The following OR10Z1 variants were observed in gnomAD, a reference collection of about 807,000 sequenced individuals.
OR10Z1 encodes the protein olfactory receptor 10Z1.
For missense variants in OR10Z1, 468 were observed against 371.0 expected (o/e 1.26, Z -2.15); for synonymous variants, 187 against 151.2 (o/e 1.24, Z -1.74).
In OR10Z1 at chr1:158,609,858, T is replaced by C. The variant is rs890470793; in HGVS notation, c.*2478T>C. 1 of 152,134 alleles carries C rather than the reference T, an allele frequency of 6.6e-6. No individual in the cohort carries two copies. The highest frequency in any genetic ancestry group is 2.4e-5 in the African/African-American group (1 of 41,444). 9.4% of individuals were successfully genotyped at this position (152,134 alleles called of 1,614,324 possible). A position where few individuals can be genotyped will look rare whatever the true frequency, so the allele number is the denominator to read the frequency against. The stretch of plus-strand genomic sequence containing the variant: ...TTTGGCAGGGTTAGCATTGGGGGAA[T>C]GGAATCACATCCACCTTTGCTTGTG... On this transcript the variant is annotated 3_prime_UTR_variant, in exon 2 of 2. Coordinates refer to ENST00000641002, the MANE Select transcript of OR10Z1 (RefSeq NM_001004478.2).
At position 158,611,336 on chromosome 1, in the gene OR10Z1, C is replaced by T. The variant is rs376052117; in HGVS notation, c.*3956C>T. ...AGAGATGGCTTCGACCCCGTGGGTC[C>T]ATATATTGCTGCATATGTGTGGCAC... On this transcript the variant is annotated 3_prime_UTR_variant, in exon 2 of 2. Coordinates refer to ENST00000641002, the MANE Select transcript of OR10Z1 (RefSeq NM_001004478.2). 6.2e-7 allele frequency: 1 copy of T among 1,613,750 alleles called. No individual in the cohort carries two copies. Among genetic ancestry groups the T allele is most frequent in the South Asian group, 1.1e-5 (1 of 91,084 alleles).
In OR10Z1 at chr1:158,611,159, AC is replaced by A; in HGVS notation, c.*3780del. The stretch of plus-strand genomic sequence containing the variant: ...CACACACACACACACACACACACAC[AC>A]ACACACGAGGCCATCTTTATCTTCC... On this transcript the variant is annotated 3_prime_UTR_variant, in exon 2 of 2. Coordinates refer to ENST00000641002, the MANE Select transcript of OR10Z1 (RefSeq NM_001004478.2). 2 of 1,400,318 alleles carry A rather than the reference AC, an allele frequency of 1.4e-6. No homozygotes were observed. The highest frequency in any genetic ancestry group is 2.0e-6 in the Non-Finnish European group (2 of 994,740). The allele number at this position is 1,400,318 out of a possible 1,614,324, so 86.7% of individuals were successfully genotyped here.
At position 158,611,640 on chromosome 1, in the gene OR10Z1, A is replaced by G. The variant is rs1202101731; in HGVS notation, c.*4260A>G. 5 of 397,594 alleles carry G rather than the reference A, an allele frequency of 1.3e-5. No homozygotes were observed. The highest frequency in any genetic ancestry group is 2.1e-5 in the African/African-American group (1 of 48,640). The allele number at this position is 397,594 out of a possible 1,614,324, so 24.6% of individuals were successfully genotyped here. On this transcript the variant is annotated 3_prime_UTR_variant, in exon 2 of 2. Coordinates refer to ENST00000641002, the MANE Select transcript of OR10Z1 (RefSeq NM_001004478.2). ...TTATTCTGTAAATCTCATTCCCTAAAGTTGTTTTATTAAATAGAAGGAATT... is the reference window on the plus strand; with the variant it reads ...TTATTCTGTAAATCTCATTCCCTAAGGTTGTTTTATTAAATAGAAGGAATT...
Position 158,606,601 on chromosome 1 carries a change from C to G in OR10Z1, c.163C>G (p.Leu55Val). The change falls in exon 2 of 2, where the codon CTG (leucine) becomes GTG (valine). Residue 55 changes from leucine (L) to valine (V), a missense_variant. By Grantham distance (32) the Leu-to-Val change is conservative. Transcript: ENST00000641002. Reference sequence around the variant, plus strand: ...CATAGCCATCAGGCTGGATAGCCATCTGCACACCCCCATGTACCTCTTCCT... The same window carrying G: ...CATAGCCATCAGGCTGGATAGCCATGTGCACACCCCCATGTACCTCTTCCT... ...IIIAIRLDSH[L>V]HTPMYLFLSF... 1 of 1,614,084 alleles carries G rather than the reference C, an allele frequency of 6.2e-7. No homozygotes were observed. Among genetic ancestry groups the G allele is most frequent in the Non-Finnish European group, 8.5e-7 (1 of 1,179,970 alleles).
chr1:158,606,290 T>C, intron 1 of OR10Z1, 36 bp from the exon 2 acceptor site: 1 of 609,926 alleles, frequency 1.6e-6, no homozygotes, highest in Admixed American at 3.0e-5. Flanking sequence ...TTTTTTGAAG[T>C]TTGAGTAGAG....
At chr1:158,605,835 T>A (rs867503172) in intron 1 of OR10Z1, among the ~76,000 whole-genome samples, 1 of 152,172 alleles carries the variant, frequency 6.6e-6, no homozygotes, top group Admixed American at 6.5e-5. Context: ...ACAAAATCCA[T>A]CAAGATCAAG....
rs1649055167 is a variant in OR10Z1, at chr1:158,606,585, C to A, written c.147C>A (p.Ile49=). 6.2e-7 allele frequency: 1 copy of A among 1,613,820 alleles called. No homozygotes were observed. The highest frequency in any genetic ancestry group is 1.3e-5 in the African/African-American group (1 of 74,916). Reference sequence around the variant, plus strand: ...GCAATGTCTTCATTATCATAGCCATCAGGCTGGATAGCCATCTGCACACCC... The same window carrying A: ...GCAATGTCTTCATTATCATAGCCATAAGGCTGGATAGCCATCTGCACACCC... ...LTSNVFIIIA[I]RLDSHLHTPM... The change falls in exon 2 of 2, where the codon ATC becomes ATA. Residue 49 remains isoleucine, a synonymous_variant. Transcript: ENST00000641002.
Position 158,606,651 on chromosome 1 carries a change from C to G in OR10Z1, c.213C>G (p.Thr71=), listed in dbSNP as rs1381425549. Residue 71 remains threonine (T), a synonymous_variant, in exon 2 of 2, where the codon ACC becomes ACG. Coordinates refer to ENST00000641002, the MANE Select transcript of OR10Z1 (RefSeq NM_001004478.2). ...TTTCCTTCCTATCCTTCTCTGAGAC[C>G]TGCTACACTTTGGGCATCATCCCTA... ...LFLSFLSFSE[T]CYTLGIIPRM... is the part of the protein sequence containing the mutation. The G allele has an allele frequency of 6.2e-7, 1 of 1,614,052 alleles. No homozygotes were observed. Among genetic ancestry groups the G allele is most frequent in the South Asian group, 1.1e-5 (1 of 91,076 alleles).
In OR10Z1 at chr1:158,607,053, G is replaced by T. The variant is rs1649072845; in HGVS notation, c.615G>T (p.Leu205Phe). 1.9e-6 allele frequency: 3 copies of T among 1,613,914 alleles called. No individual in the cohort carries two copies. Among genetic ancestry groups the T allele is most frequent in the South Asian group, 2.2e-5 (2 of 91,062 alleles). The part of the protein sequence containing the change: ...SELRIFILSL[L>F]VLLVSFFFIT... ...TGAGGATCTTTATCCTCAGTCTTTT[G>T]GTCCTCTTGGTCTCCTTCTTCTTCA... The change falls in exon 2 of 2, where the codon TTG (leucine) becomes TTT (phenylalanine). Residue 205 changes from leucine (L) to phenylalanine (F), a missense_variant. By Grantham distance (22) the Leu-to-Phe change is conservative. Transcript: ENST00000641002.
chr1:158,606,380 A>G lies in OR10Z1; in HGVS notation c.-59A>G. 1 of 1,016,976 alleles carries G rather than the reference A, an allele frequency of 9.8e-7. No homozygotes were observed. Among genetic ancestry groups the G allele is most frequent in the Non-Finnish European group, 1.5e-6 (1 of 672,864 alleles). 63.0% of individuals were successfully genotyped at this position (1,016,976 alleles called of 1,614,324 possible). A position where few individuals can be genotyped will look rare whatever the true frequency, so the allele number is the denominator to read the frequency against. On this transcript the variant is annotated 5_prime_UTR_variant, in exon 2 of 2. Transcript: ENST00000641002. ...ATATCATCCACCTTTTAAAGAAGTTAGGCATCTACTGGCAAGGTGGAAGAA... is the reference window on the plus strand; with the variant it reads ...ATATCATCCACCTTTTAAAGAAGTTGGGCATCTACTGGCAAGGTGGAAGAA...
rs765010607 is a variant in OR10Z1 at position 158,607,072 on chromosome 1, T to C, written c.634T>C (p.Phe212Leu). The C allele has an allele frequency of 3.1e-6, 5 of 1,614,108 alleles. No homozygotes were observed. In the Admixed American group the frequency reaches 6.7e-5, roughly 22 times the overall value. The part of the protein sequence containing the change: ...LSLLVLLVSF[F>L]FITISYAYIL... ...TCTTTTGGTCCTCTTGGTCTCCTTC[T>C]TCTTCATCACCATCTCCTACGCCTA... is the stretch of plus-strand genomic sequence containing the variant. Residue 212 changes from phenylalanine to leucine, a missense_variant, in exon 2 of 2, where the codon TTC (phenylalanine) becomes CTC (leucine). Phe to Leu is a conservative substitution (Grantham distance 22). Coordinates refer to ENST00000641002, the MANE Select transcript of OR10Z1 (RefSeq NM_001004478.2).
chr1:158,606,486 C>G lies in OR10Z1; in HGVS notation c.48C>G (p.Gly16=). 1 of 1,613,922 alleles carries G rather than the reference C, an allele frequency of 6.2e-7. No individual in the cohort carries two copies. The highest frequency in any genetic ancestry group is 8.5e-7 in the Non-Finnish European group (1 of 1,179,866). ...VTSWRDFVFL[G]FSSSGELQLL... ...CCTGGAGGGATTTTGTCTTCCTGGG[C>G]TTCTCCAGTTCTGGGGAGTTGCAGC... The change falls in exon 2 of 2, where the codon GGC becomes GGG. Residue 16 remains glycine, a synonymous_variant. Transcript: ENST00000641002.
rs1367818322 is a variant in OR10Z1 at position 158,607,241 on chromosome 1, T to A, written c.803T>A (p.Leu268His). The A allele has an allele frequency of 3.9e-5, 63 of 1,612,670 alleles. 1 individual carries two copies. In the Admixed American group the frequency reaches 1.0e-3, roughly 26 times the overall value. The stretch of plus-strand genomic sequence containing the variant: ...CTGAGGCCCAAAGCCAGCTACTCTC[T>A]TGAGAGAGATCAGCTTATTGCCATG... The part of the protein sequence containing the change: ...VYLRPKASYS[L>H]ERDQLIAMTY... The change falls in exon 2 of 2, where the codon CTT (leucine) becomes CAT (histidine). Residue 268 changes from leucine (L) to histidine (H), a missense_variant. Transcript: ENST00000641002.
At chr1:158,605,532 C>T (rs556167569) in intron 1 of OR10Z1, 131 bp downstream of exon 1, 1 of 152,464 alleles carries the variant, frequency 6.6e-6, no homozygotes, top group Non-Finnish European at 1.5e-5. Flanking sequence ...TTCTTCCGTG[C>T]TTAACATAGA....
chr1:158,610,982 CAAATAA>C lies in OR10Z1; in HGVS notation c.*3608_*3613del. The C allele has an allele frequency of 2.8e-6, 1 of 353,914 alleles. No individual in the cohort carries two copies. The highest frequency in any genetic ancestry group is 3.4e-5 in the South Asian group (1 of 29,832). The allele number at this position is 353,914 out of a possible 1,614,324, so 21.9% of individuals were successfully genotyped here. ...AATGATAAAGACGTGCAAAACAGAA[CAAATAA>C]AAATAGAAACTTTGACACCCCTCAG... On this transcript the variant is annotated 3_prime_UTR_variant, in exon 2 of 2. Coordinates refer to ENST00000641002, the MANE Select transcript of OR10Z1 (RefSeq NM_001004478.2).
At position 158,611,417 on chromosome 1, in the gene OR10Z1, A is replaced by T; in HGVS notation, c.*4037A>T. 6.2e-7 allele frequency: 1 copy of T among 1,612,530 alleles called. No individual in the cohort carries two copies. Among genetic ancestry groups the T allele is most frequent in the Non-Finnish European group, 8.5e-7 (1 of 1,179,016 alleles). On this transcript the variant is annotated 3_prime_UTR_variant, in exon 2 of 2. Transcript: ENST00000641002. ...GAAAAGTATAAAAAGAGAAAAATAC[A>T]GTTATAGGGATTCAAAATAGCTGGT...
chr1:158,609,297 A>G lies in OR10Z1; in HGVS notation c.*1917A>G, dbSNP rs1649142051. On this transcript the variant is annotated 3_prime_UTR_variant, in exon 2 of 2. Transcript: ENST00000641002. ...AACAATTTGAGAGGAAGGAAGCTAG[A>G]GCTCAGAGAAGAGAACAGGATGAAG... 1 of 152,186 alleles carries G rather than the reference A, an allele frequency of 6.6e-6. No homozygotes were observed. Among genetic ancestry groups the G allele is most frequent in the Admixed American group, 6.6e-5 (1 of 15,266 alleles). The allele number at this position is 152,186 out of a possible 1,614,324, so 9.4% of individuals were successfully genotyped here.
In OR10Z1 at chr1:158,607,319, A is replaced by C. The variant is rs857685; in HGVS notation, c.881A>C (p.Asn294Thr). Residue 294 changes from asparagine (N) to threonine (T), a missense_variant, in exon 2 of 2, where the codon AAT (asparagine) becomes ACT (threonine). Coordinates refer to ENST00000641002, the MANE Select transcript of OR10Z1 (RefSeq NM_001004478.2). ...LLNPIVYSLR[N>T]RAIQTALRNA... ...AATCCCATTGTTTATAGTCTAAGGA[A>C]TAGGGCTATACAGACAGCTCTGAGG... 0.25 allele frequency: 410,584 copies of C among 1,613,186 alleles called. 55,517 individuals carry two copies. Among genetic ancestry groups the C allele is most frequent in the East Asian group, 0.45 (19,959 of 44,830 alleles).
At chr1:158,606,225 T>C (rs1649043606) in intron 1 of OR10Z1, 101 bp from the exon 2 acceptor site, 1 of 573,784 alleles carries the variant, frequency 1.7e-6, no homozygotes, top group South Asian at 2.2e-5. Context: ...TGTGTATATG[T>C]ACATACAGTC....
Sources: gnomAD v4.1 joint callset for allele counts (sites outside exome capture counted in the v4.1 genomes callset) on GRCh38, gnomAD v4.1.1 for gene constraint, MANE v1.5 for transcripts, NCBI Gene and HGNC (gene_info 2026-07-23, HGNC 2026-07-21) for gene names.